NEBL: variants seen among roughly 807,000 people sequenced by gnomAD.
The protein encoded by NEBL is LIM and SH3 protein 2.
NEBL carries 122 observed loss-of-function variants against 140.2 expected under a neutral mutation model. The ratio of observed to expected loss-of-function variants is 0.87; its 90% CI spans 0.75 to 1.01. The LOEUF is 1.01. Ranked by LOEUF, NEBL falls within the 50% of genes least tolerant of loss-of-function variation. The pLI, the probability that NEBL is intolerant of heterozygous loss-of-function variation, is 0.00. For synonymous variants in NEBL, 436 were observed against 398.9 expected (o/e 1.09, Z -1.11); for missense variants, 1,365 against 1,231.3 (o/e 1.11, Z -1.62).
intron 2 of NEBL, among the ~76,000 whole-genome samples, chr10:21,129,260 T>A (rs577034779): frequency 2.3e-4 from 35 of 151,920 alleles, no homozygotes; most frequent in South Asian, 1.7e-3. Context: ...AATTAAAAAA[T>A]TTTTTAACTT....
At chr10:20,848,209 A>C (rs1303465473) in intron 11 of NEBL, among the ~76,000 whole-genome samples, 1 of 152,206 alleles carries the variant, frequency 6.6e-6, no homozygotes, top group Non-Finnish European at 1.5e-5. Context: ...AAGATAGTAA[A>C]GCAATGAAAA....
chr10:21,276,264 G>A (rs572101073), intron 1 of NEBL, among the ~76,000 whole-genome samples: 43 of 152,018 alleles, frequency 2.8e-4, no homozygotes, highest in African/African-American at 4.8e-4. Flanking sequence ...GAGCCACCAC[G>A]CCCAGCCCAA....
intron 3 of NEBL, among the ~76,000 whole-genome samples, chr10:21,006,702 G>A (rs531511531): frequency 5.9e-5 from 9 of 152,282 alleles, no homozygotes; most frequent in African/African-American, 1.7e-4. Context: ...TCCGAGACCC[G>A]AAAAGCATTA....
chr10:20,920,924 T>C (rs1218402966), intron 4 of NEBL, among the ~76,000 whole-genome samples: 2 of 152,222 alleles, frequency 1.3e-5, no homozygotes, highest in Non-Finnish European at 2.9e-5. Context: ...ATTAGGTCCA[T>C]TTATTTCTAG....
At chr10:21,093,044 G>A (rs1178707362) in intron 2 of NEBL, among the ~76,000 whole-genome samples, 3 of 150,664 alleles carry the variant, frequency 2.0e-5, no homozygotes, top group Non-Finnish European at 1.5e-5. Context: ...AAATTGCCTT[G>A]TACAATTTAT....
chr10:21,071,993 GT>G (rs1266338800), intron 2 of NEBL, among the ~76,000 whole-genome samples: 4 of 151,922 alleles, frequency 2.6e-5, no homozygotes, highest in Non-Finnish European at 5.9e-5. Context: ...TAATTTTTGT[GT>G]TTTAGTAGAG....
At chr10:20,967,636 A>T (rs1161880785) in intron 3 of NEBL, among the ~76,000 whole-genome samples, 1 of 152,096 alleles carries the variant, frequency 6.6e-6, no homozygotes, top group Non-Finnish European at 1.5e-5. Flanking sequence ...TCAAAAAAAA[A>T]AAAACAAGTG....
chr10:20,893,877 G>A (rs1322426840), intron 2 of NEBL, among the ~76,000 whole-genome samples: 1 of 152,192 alleles, frequency 6.6e-6, no homozygotes, highest in Non-Finnish European at 1.5e-5. Context: ...ATCAGCTACA[G>A]GTCAGAAATT....
intron 7 of NEBL, 25 bp downstream of exon 7, chr10:20,868,639 T>G: frequency 6.9e-7 from 1 of 1,439,092 alleles, no homozygotes; most frequent in Non-Finnish European, 9.8e-7. Context: ...ATAAAGTCAT[T>G]GTGGAATCAT....
chr10:20,852,709 A>G, intron 9 of NEBL, 60 bp from the exon 10 acceptor site: 1 of 1,323,882 alleles, frequency 7.6e-7, no homozygotes, highest in Non-Finnish European at 1.1e-6. Context: ...AGCAATAAAT[A>G]CTTAGAAATA....
intron 3 of NEBL, among the ~76,000 whole-genome samples, chr10:21,013,319 T>C (rs1031360432): frequency 8.5e-5 from 13 of 152,174 alleles, no homozygotes; most frequent in Non-Finnish European, 1.9e-4. Context: ...ATGCTGAAGC[T>C]TCTCCCAATG....
chr10:20,842,509 G>T (rs1393709655), intron 12 of NEBL, among the ~76,000 whole-genome samples: 23 of 152,120 alleles, frequency 1.5e-4, no homozygotes, highest in African/African-American at 5.3e-4. Context: ...CTTACAAAGG[G>T]AAGTAATAAT....
intron 2 of NEBL, among the ~76,000 whole-genome samples, chr10:21,042,239 C>T (rs1036948574): frequency 2.6e-5 from 4 of 152,186 alleles, no homozygotes; most frequent in Non-Finnish European, 5.9e-5. Flanking sequence ...TACATACTCT[C>T]ATTTTCCTCA....
exon 2 of NEBL, among the ~76,000 whole-genome samples, chr10:21,251,821 G>A (rs773002343): frequency 2.5e-4 from 38 of 152,208 alleles, no homozygotes; most frequent in Middle Eastern, 3.4e-3. Flanking sequence ...ACTTCCCAAC[G>A]TCAAGAACTG....
At chr10:21,194,712 C>T (rs765838776) in intron 3 of NEBL, among the ~76,000 whole-genome samples, 92 of 152,248 alleles carry the variant, frequency 6.0e-4, no homozygotes, top group Non-Finnish European at 1.1e-3. Flanking sequence ...CAGATCTGTC[C>T]TGCACAATCC....
chr10:20,873,714 T>A (rs981727180), intron 5 of NEBL, among the ~76,000 whole-genome samples: 3 of 152,212 alleles, frequency 2.0e-5, no homozygotes, highest in African/African-American at 7.2e-5. Flanking sequence ...TCCTTACTAC[T>A]CATCTATTTC....
intron 1 of NEBL, among the ~76,000 whole-genome samples, chr10:21,279,289 A>AAT (rs1554836315): frequency 0.14 from 18,378 of 131,784 alleles, 2,186 homozygotes; most frequent in African/African-American, 0.32. Context: ...TATTTTTTCA[A>AAT]TTTTTTTTTT....
intron 2 of NEBL, among the ~76,000 whole-genome samples, chr10:21,038,947 T>C (rs1409409468): frequency 6.6e-6 from 1 of 152,226 alleles, no homozygotes; most frequent in Non-Finnish European, 1.5e-5. Context: ...TTGATTTGCA[T>C]TTCTCTAATG....
chr10:21,187,172 A>C (rs546614835), intron 3 of NEBL, among the ~76,000 whole-genome samples: 16 of 152,238 alleles, frequency 1.1e-4, no homozygotes, highest in African/African-American at 3.9e-4. Flanking sequence ...GATGTTTACC[A>C]AAGTGCCCTG....
Sources: gnomAD v4.1 joint callset for allele counts (sites outside exome capture counted in the v4.1 genomes callset) on GRCh38, gnomAD v4.1.1 for gene constraint, MANE v1.5 for transcripts, NCBI Gene and HGNC (gene_info 2026-07-23, HGNC 2026-07-21) for gene names.